The following NHS variants were observed in gnomAD, a reference collection of about 807,000 sequenced individuals.
The protein encoded by NHS is actin remodeling regulator NHS.
NHS carries 5 observed loss-of-function variants against 72.5 expected under a neutral mutation model. The ratio of observed to expected loss-of-function variants is 0.07; its 90% CI spans 0.04 to 0.14. NHS has a LOEUF of 0.14. Among genes scored for constraint, NHS ranks in the 10% least tolerant of loss-of-function variants. The pLI is 1.00. For missense variants in NHS, 1,072 were observed against 1,355.7 expected (o/e 0.79, Z 3.29); for synonymous variants, 464 against 547.7 (o/e 0.85, Z 2.13).
chrX:17,718,020 A>C (rs1324443740), intron 3 of NHS, among the ~76,000 whole-genome samples: 2 of 111,937 alleles, frequency 1.8e-5, no homozygotes, highest in East Asian at 5.6e-4. Flanking sequence ...AGGTAAGTAC[A>C]TTAATAATAA....
intron 3 of NHS, among the ~76,000 whole-genome samples, chrX:17,704,700 G>C (rs145069241): frequency 1.8e-3 from 204 of 112,086 alleles, no homozygotes; most frequent in African/African-American, 6.5e-3. Flanking sequence ...TGAGAGAAGT[G>C]TTGGTTCCTG....
In NHS at chrX:17,533,480, G is replaced by T. The variant is rs1017709064; in HGVS notation, c.566-154262G>T. 4.6e-4 allele frequency among the ~76,000 whole-genome samples: 51 copies of T among 111,147 alleles called. 1 individual carries two copies. Among genetic ancestry groups the T allele is most frequent in the Non-Finnish European group, 1.9e-4 (10 of 53,015 alleles). ...TTTTGTATTTTTTCTATAGAGACAG[G>T]GTCTCTGTATGTTACCCAGGTCTTG... is the stretch of plus-strand genomic sequence containing the variant. On this transcript the variant is annotated intron_variant, in intron 1 of 8. Coordinates refer to ENST00000676302, the MANE Select transcript of NHS (RefSeq NM_001291867.2).
chrX:17,471,982 A>T (rs755390846), intron 1 of NHS, among the ~76,000 whole-genome samples: 1 of 111,678 alleles, frequency 9.0e-6, no homozygotes, highest in Non-Finnish European at 1.9e-5. Context: ...TAGTCCAGAG[A>T]ACACTGAATG....
At chrX:17,598,936 C>T (rs948068796) in intron 1 of NHS, among the ~76,000 whole-genome samples, 1 of 111,374 alleles carries the variant, frequency 9.0e-6, no homozygotes, top group African/African-American at 3.3e-5. Context: ...AAGGATAACC[C>T]GTATACTGAT....
chrX:17,385,413 C>A (rs765763458), intron 1 of NHS, among the ~76,000 whole-genome samples: 3 of 111,660 alleles, frequency 2.7e-5, no homozygotes, highest in East Asian at 5.6e-4. Flanking sequence ...ACTCAGGAGT[C>A]TGAGATGGGA....
intron 1 of NHS, among the ~76,000 whole-genome samples, chrX:17,454,898 G>A (rs755964380): frequency 3.6e-5 from 4 of 111,669 alleles, no homozygotes; most frequent in African/African-American, 9.8e-5. Context: ...CTAGAATACC[G>A]CTAATGGTCA....
At chrX:17,627,669 T>C (rs771046525) in intron 1 of NHS, among the ~76,000 whole-genome samples, 10 of 112,660 alleles carry the variant, frequency 8.9e-5, no homozygotes, top group Admixed American at 2.8e-4. Context: ...TTTTCCTGAA[T>C]GGTCTTGCTC....
chrX:17,694,428 G>T (rs1364412536), intron 3 of NHS, among the ~76,000 whole-genome samples: 1 of 112,157 alleles, frequency 8.9e-6, no homozygotes, highest in Non-Finnish European at 1.9e-5. Context: ...CAAATTGCTG[G>T]ATAGACACAT....
intron 1 of NHS, among the ~76,000 whole-genome samples, chrX:17,467,048 G>A (rs181165731): frequency 9.0e-6 from 1 of 111,720 alleles, no homozygotes; most frequent in East Asian, 2.8e-4. Context: ...AGCTTAGCAG[G>A]CCCTGGAAGG....
At position 17,376,294 on chromosome X, in the gene NHS, C is replaced by A; in HGVS notation, c.537C>A (p.Ser179Arg). 8.6e-7 allele frequency: 1 copy of A among 1,156,518 alleles called. No homozygotes were observed. Among genetic ancestry groups the A allele is most frequent in the Non-Finnish European group, 1.1e-6 (1 of 873,085 alleles). Residue 179 changes from serine to arginine, a missense_variant, in exon 1 of 9, where the codon AGC becomes AGA. Transcript: ENST00000676302. ...GKLGGVQRVL[S>R]TLDPKQEAVP... is the part of the protein sequence containing the mutation. ...TCGGCGGCGTGCAGCGCGTCCTCAG[C>A]ACGCTTGACCCTAAGCAGGAGGCAG... is the stretch of plus-strand genomic sequence containing the variant.
intron 1 of NHS, among the ~76,000 whole-genome samples, chrX:17,448,902 GATA>G (rs1162424869): frequency 2.7e-5 from 3 of 112,480 alleles, no homozygotes; most frequent in Admixed American, 9.4e-5. Flanking sequence ...TTGTCTAGAT[GATA>G]ATAATAATAA....
intron 1 of NHS, among the ~76,000 whole-genome samples, chrX:17,627,467 A>G (rs1025257137): frequency 8.9e-6 from 1 of 112,250 alleles, no homozygotes; most frequent in East Asian, 2.8e-4. Context: ...AATTAATACA[A>G]TCAACTCAGA....
At chrX:17,535,500 T>C (rs1020447172) in intron 1 of NHS, among the ~76,000 whole-genome samples, 17 of 111,748 alleles carry the variant, frequency 1.5e-4, no homozygotes, top group Middle Eastern at 4.6e-3. Flanking sequence ...GGTGAGTTGA[T>C]TGATCAAGAA....
At chrX:17,559,850 C>A (rs2065403339) in intron 1 of NHS, among the ~76,000 whole-genome samples, 1 of 111,407 alleles carries the variant, frequency 9.0e-6, no homozygotes, top group South Asian at 3.8e-4. Context: ...CAGCTTCTCC[C>A]TGTGAGACTA....
At chrX:17,489,883 G>A (rs2146915831) in intron 1 of NHS, among the ~76,000 whole-genome samples, 1 of 112,179 alleles carries the variant, frequency 8.9e-6, no homozygotes, top group African/African-American at 3.2e-5. Flanking sequence ...AACCAGTGAC[G>A]ATGAGCTTTT....
intron 5 of NHS, among the ~76,000 whole-genome samples, chrX:17,722,135 G>T (rs762158449): frequency 1.7e-4 from 19 of 112,020 alleles, no homozygotes; most frequent in African/African-American, 5.8e-4. Context: ...AGAGATGAAG[G>T]CTGAATTCTA....
At chrX:17,692,110 T>C (rs1269466714) in intron 2 of NHS, among the ~76,000 whole-genome samples, 1 of 112,121 alleles carries the variant, frequency 8.9e-6, no homozygotes, top group Non-Finnish European at 1.9e-5. Context: ...TTGTACAGAT[T>C]ATGAGATGGA....
In NHS at chrX:17,680,168, G is replaced by GT. The variant is rs753788307; in HGVS notation, c.566-7566dup. Among the ~76,000 whole-genome samples the GT allele has an allele frequency of 8.0e-5, 9 of 111,865 alleles. No individual in the cohort carries two copies. In the East Asian group the frequency reaches 2.0e-3, roughly 25 times the overall value. Reference sequence around the variant, plus strand: ...TGTGTACTATCCACAGGTGAGAAGTGTTTTTTTTCCCCTCCTAAAGACAAC... The same window carrying GT: ...TGTGTACTATCCACAGGTGAGAAGTGTTTTTTTTTCCCCTCCTAAAGACAAC... On this transcript the variant is annotated intron_variant, in intron 1 of 8. Transcript: ENST00000676302.
chrX:17,615,261 C>CACATAT (rs1569294309), intron 1 of NHS, among the ~76,000 whole-genome samples: 55 of 89,824 alleles, frequency 6.1e-4, no homozygotes, highest in African/African-American at 2.7e-3. Flanking sequence ...CATATATACA[C>CACATAT]ATATATATAT....
Sources: gnomAD v4.1 joint callset for allele counts (sites outside exome capture counted in the v4.1 genomes callset) on GRCh38, gnomAD v4.1.1 for gene constraint, MANE v1.5 for transcripts, NCBI Gene and HGNC (gene_info 2026-07-23, HGNC 2026-07-21) for gene names.